Variants in PRPSAP2 observed in about 807,000 individuals in gnomAD.
PRPSAP2 encodes the protein phosphoribosyl pyrophosphate synthetase associated protein 2.
Under a neutral mutation model 40.6 loss-of-function variants are expected in PRPSAP2, and 24 were observed. That is an observed-to-expected ratio of 0.59 (90% confidence interval 0.43 to 0.83). The LOEUF (loss-of-function observed/expected upper bound fraction) is 0.83. Ranked by LOEUF, PRPSAP2 falls within the 40% of genes least tolerant of loss-of-function variation. PRPSAP2 has a pLI of 0.00. For synonymous variants in PRPSAP2, 149 were observed against 164.7 expected, an observed-to-expected ratio of 0.90 and a Z score of 0.73; for missense variants, 292 against 465.6, an observed-to-expected ratio of 0.63 and a Z score of 3.43.
chr17:18,889,641 T>C (rs185555320), intron 7 of PRPSAP2, among the ~76,000 whole-genome samples, 181 bp from the exon 8 acceptor site: 11 of 152,344 alleles, frequency 7.2e-5, no homozygotes, highest in Non-Finnish European at 1.5e-4. Flanking sequence ...GAAGTCTGTG[T>C]GGCTCACAAG....
At chr17:18,906,722 T>A (rs538505410) in intron 8 of PRPSAP2, among the ~76,000 whole-genome samples, 2 of 151,738 alleles carry the variant, frequency 1.3e-5, no homozygotes, top group African/African-American at 2.4e-5. Context: ...GTTTGTTCGT[T>A]TTTCAGTAGA....
At chr17:18,870,454 C>A (rs2037776134) in intron 4 of PRPSAP2, among the ~76,000 whole-genome samples, 1 of 152,074 alleles carries the variant, frequency 6.6e-6, no homozygotes, top group African/African-American at 2.4e-5. Context: ...CTTGACCATG[C>A]ATCCTCTAGG....
chr17:18,870,957 C>T (rs2037818327), intron 4 of PRPSAP2, among the ~76,000 whole-genome samples: 1 of 151,378 alleles, frequency 6.6e-6, no homozygotes, highest in Non-Finnish European at 1.5e-5. Flanking sequence ...AGCCCAACAA[C>T]AATTCTTTAA....
intron 9 of PRPSAP2, among the ~76,000 whole-genome samples, chr17:18,918,524 C>G (rs1045619413): frequency 6.6e-6 from 1 of 152,200 alleles, no homozygotes; most frequent in African/African-American, 2.4e-5. Flanking sequence ...GGGAGCCAAC[C>G]AAGGAGGACT....
intron 8 of PRPSAP2, among the ~76,000 whole-genome samples, chr17:18,910,659 A>G (rs867864400): frequency 6.6e-6 from 1 of 152,232 alleles, no homozygotes; most frequent in South Asian, 2.1e-4. Flanking sequence ...TACTTTAGAT[A>G]TGCACAGTTT....
intron 8 of PRPSAP2, among the ~76,000 whole-genome samples, chr17:18,904,095 A>G (rs1228982297): frequency 6.6e-6 from 1 of 152,202 alleles, no homozygotes; most frequent in Non-Finnish European, 1.5e-5. Context: ...TGCCTTAGCC[A>G]GTCTTTGTGA....
At chr17:18,902,157 G>T (rs2040307260) in intron 8 of PRPSAP2, among the ~76,000 whole-genome samples, 1 of 152,010 alleles carries the variant, frequency 6.6e-6, no homozygotes, top group Admixed American at 6.6e-5. Context: ...TTCCCATCTG[G>T]GTGGACTTTT....
At chr17:18,886,463 C>T (rs2039151700) in intron 7 of PRPSAP2, among the ~76,000 whole-genome samples, 1 of 151,948 alleles carries the variant, frequency 6.6e-6, no homozygotes, top group African/African-American at 2.4e-5. Context: ...TCACGCCATT[C>T]TCCTAGGCCT....
intron 8 of PRPSAP2, among the ~76,000 whole-genome samples, chr17:18,899,949 T>G (rs970291865): frequency 6.6e-6 from 1 of 152,170 alleles, no homozygotes; most frequent in Non-Finnish European, 1.5e-5. Context: ...TACAGTGGTG[T>G]TATCACAGCT....
intron 8 of PRPSAP2, among the ~76,000 whole-genome samples, chr17:18,900,446 CTTTG>C (rs1273527491): frequency 1.3e-5 from 2 of 152,154 alleles, no homozygotes; most frequent in Non-Finnish European, 2.9e-5. Flanking sequence ...GCTCTAAAAT[CTTTG>C]TTATACAGTT....
chr17:18,914,268 T>C (rs931807343), intron 9 of PRPSAP2, among the ~76,000 whole-genome samples: 1 of 134,094 alleles, frequency 7.5e-6, no homozygotes, highest in Non-Finnish European at 1.6e-5. Context: ...TTTTTTTTTT[T>C]TTTTTTTGAG....
intron 8 of PRPSAP2, among the ~76,000 whole-genome samples, chr17:18,895,338 C>T (rs1415548900): frequency 6.6e-6 from 1 of 151,756 alleles, no homozygotes; most frequent in Non-Finnish European, 1.5e-5. Context: ...GGCTCAGCCT[C>T]CCAGTGTTGG....
At chr17:18,903,420 G>A (rs2040402833) in intron 8 of PRPSAP2, among the ~76,000 whole-genome samples, 1 of 147,750 alleles carries the variant, frequency 6.8e-6, no homozygotes, top group East Asian at 2.0e-4. Context: ...AGGCTTAGGA[G>A]TTTGGTCTGT....
intron 7 of PRPSAP2, among the ~76,000 whole-genome samples, chr17:18,884,848 G>A (rs2039013944): frequency 6.6e-6 from 1 of 152,280 alleles, no homozygotes; most frequent in South Asian, 2.1e-4. Context: ...GGTTGCTGTC[G>A]ACATCTTGTT....
chr17:18,930,535 C>G lies in PRPSAP2; in HGVS notation c.952-5C>G. 3 of 1,601,366 alleles carry G rather than the reference C, an allele frequency of 1.9e-6. No homozygotes were observed. Among genetic ancestry groups the G allele is most frequent in the Non-Finnish European group, 1.7e-6 (2 of 1,173,940 alleles). On this transcript the variant is annotated splice_polypyrimidine_tract_variant and splice_region_variant and intron_variant, in intron 11 of 11. Transcript: ENST00000268835. Reference sequence around the variant, plus strand: ...TGCTGTGGTTTTTTTTCTTTTGCTTCACAGGTGGTGGTCACCAATACAATT... The same window carrying G: ...TGCTGTGGTTTTTTTTCTTTTGCTTGACAGGTGGTGGTCACCAATACAATT...
intron 9 of PRPSAP2, 88 bp from the exon 10 acceptor site, chr17:18,923,826 T>C: frequency 1.7e-6 from 2 of 1,200,266 alleles, no homozygotes; most frequent in South Asian, 3.1e-5. Context: ...GTTGGTTGAA[T>C]GTTTTTATCT....
At chr17:18,882,393 C>G (rs2038824257) in intron 6 of PRPSAP2, among the ~76,000 whole-genome samples, 175 bp from the exon 7 acceptor site, 1 of 151,786 alleles carries the variant, frequency 6.6e-6, no homozygotes, top group Non-Finnish European at 1.5e-5. Context: ...CACCTGTATT[C>G]CCAGCTACTT....
chr17:18,883,427 G>T (rs978463368), intron 7 of PRPSAP2, among the ~76,000 whole-genome samples: 1 of 148,536 alleles, frequency 6.7e-6, no homozygotes, highest in African/African-American at 2.5e-5. Flanking sequence ...TTGGTGGGGG[G>T]TGTGATGGAG....
At chr17:18,892,761 G>T (rs1275923480) in intron 8 of PRPSAP2, among the ~76,000 whole-genome samples, 1 of 95,592 alleles carries the variant, frequency 1.0e-5, no homozygotes. Context: ...TTGAGACAGA[G>T]TCTCGCTCTG....
Sources: allele counts gnomAD v4.1 joint callset (sites outside exome capture counted in the v4.1 genomes callset), GRCh38; gene constraint gnomAD v4.1.1; transcripts MANE v1.5; gene names NCBI Gene and HGNC (gene_info 2026-07-23, HGNC 2026-07-21).